Variants in FAM185A observed in about 807,000 individuals in gnomAD.
FAM185A encodes family with sequence similarity 185 member A.
In FAM185A, 21 loss-of-function variants were observed where a neutral mutation model predicts 45.7. That is an observed-to-expected ratio of 0.46 (90% CI 0.33 to 0.66). The LOEUF is 0.66. FAM185A is among the 30% of genes least tolerant of loss of function. The pLI, the probability that FAM185A is intolerant of heterozygous loss-of-function variation, is 0.03. For missense variants in FAM185A, 305 were observed against 485.4 expected (o/e 0.63, Z 3.49); for synonymous variants, 117 against 194.0 (o/e 0.60, Z 3.30).
chr7:102,822,510 G>A, the FAM185A span: 6 of 519,406 alleles, frequency 1.2e-5, no homozygotes, highest in South Asian at 4.6e-5. Flanking sequence ...CCCATCATGG[G>A]AGCTCTACCC....
downstream of FAM185A, among the ~76,000 whole-genome samples, chr7:102,811,209 A>C (rs1240718966): frequency 6.6e-6 from 1 of 151,954 alleles, no homozygotes; most frequent in East Asian, 1.9e-4. Context: ...AACAGCAGTC[A>C]ACTATATTTA....
rs1473727363 is a variant in FAM185A at position 102,755,128 on chromosome 7, C to T, written c.562-2726C>T. Reference sequence around the variant, plus strand: ...TTCTTGACTTAAAACAACAAGTGTGCGCCTCCCGTCGCCCAAGATGCCGAA... The same window carrying T: ...TTCTTGACTTAAAACAACAAGTGTGTGCCTCCCGTCGCCCAAGATGCCGAA... On this transcript the variant is annotated intron_variant, in intron 2 of 7. Transcript: ENST00000413034. 180 of 377,950 alleles carry T rather than the reference C, an allele frequency of 4.8e-4. 1 individual carries two copies. Among genetic ancestry groups the T allele is most frequent in the African/African-American group, 1.3e-4 (6 of 47,216 alleles). 23.4% of individuals were successfully genotyped at this position (377,950 alleles called of 1,614,324 possible).
chr7:102,843,692 C>G, the FAM185A span, among the ~76,000 whole-genome samples: 1 of 152,180 alleles, frequency 6.6e-6, no homozygotes, highest in Non-Finnish European at 1.5e-5. Flanking sequence ...AGGAGAATCG[C>G]TTGAACCCAG....
the FAM185A span, among the ~76,000 whole-genome samples, chr7:102,835,610 T>TG: frequency 3.3e-5 from 3 of 90,764 alleles, no homozygotes; most frequent in East Asian, 4.3e-4. Flanking sequence ...ATTGTTTTTT[T>TG]TTTTTTTTTT....
chr7:102,844,777 A>G, the FAM185A span, among the ~76,000 whole-genome samples: 1 of 152,196 alleles, frequency 6.6e-6, no homozygotes, highest in Non-Finnish European at 1.5e-5. Context: ...TAGATTTCAG[A>G]TGCCAATCGC....
At chr7:102,804,807 A>C (rs1797011949) in intron 7 of FAM185A, among the ~76,000 whole-genome samples, 1 of 152,240 alleles carries the variant, frequency 6.6e-6, no homozygotes, top group African/African-American at 2.4e-5. Flanking sequence ...TAATATCCAG[A>C]ATCTACAATG....
chr7:102,780,730 T>C (rs1357942312), intron 6 of FAM185A, among the ~76,000 whole-genome samples: 2 of 152,016 alleles, frequency 1.3e-5, no homozygotes, highest in South Asian at 4.1e-4. Context: ...GCTGCCAGCG[T>C]GAGCGACGCA....
chr7:102,789,644 G>T (rs1796032100), intron 7 of FAM185A, among the ~76,000 whole-genome samples: 1 of 152,300 alleles, frequency 6.6e-6, no homozygotes, highest in Admixed American at 6.5e-5. Flanking sequence ...AGGAGGCAGA[G>T]GGTGCAATGA....
At chr7:102,779,226 C>T (rs1159290428) in intron 6 of FAM185A, among the ~76,000 whole-genome samples, 1 of 152,124 alleles carries the variant, frequency 6.6e-6, no homozygotes, top group African/African-American at 2.4e-5. Context: ...GGTTAAAGAA[C>T]ACAACAAGAG....
At chr7:102,841,343 A>G in the FAM185A span, among the ~76,000 whole-genome samples, 1 of 151,838 alleles carries the variant, frequency 6.6e-6, no homozygotes, top group Admixed American at 6.6e-5. Context: ...GCTCCTACGG[A>G]TTATCTTCCT....
At chr7:102,850,445 C>T in the FAM185A span, among the ~76,000 whole-genome samples, 4 of 152,148 alleles carry the variant, frequency 2.6e-5, no homozygotes, top group Non-Finnish European at 5.9e-5. Flanking sequence ...TCAAATATAA[C>T]TGATCACCAT....
intron 5 of FAM185A, among the ~76,000 whole-genome samples, chr7:102,773,703 C>T (rs1278119050): frequency 6.6e-6 from 1 of 152,126 alleles, no homozygotes; most frequent in African/African-American, 2.4e-5. Context: ...GCTCCACATC[C>T]TCATCAACAT....
At chr7:102,800,131 G>A (rs1397199960) in intron 7 of FAM185A, among the ~76,000 whole-genome samples, 2 of 152,116 alleles carry the variant, frequency 1.3e-5, no homozygotes, top group African/African-American at 4.8e-5. Flanking sequence ...TTGCTGGGTG[G>A]CTAGATCAGA....
intron 2 of FAM185A, among the ~76,000 whole-genome samples, chr7:102,754,242 C>T (rs971775578): frequency 6.6e-6 from 1 of 151,970 alleles, no homozygotes; most frequent in African/African-American, 2.4e-5. Flanking sequence ...ACTCTGTTGC[C>T]CAGGCTGGAG....
chr7:102,800,189 T>C (rs1021321773), intron 7 of FAM185A, among the ~76,000 whole-genome samples: 1 of 151,944 alleles, frequency 6.6e-6, no homozygotes, highest in Non-Finnish European at 1.5e-5. Context: ...GCCACATCCA[T>C]AGAAAAAGGG....
chr7:102,766,941 C>T (rs1425637745), intron 4 of FAM185A, among the ~76,000 whole-genome samples: 1 of 151,654 alleles, frequency 6.6e-6, no homozygotes, highest in Non-Finnish European at 1.5e-5. Flanking sequence ...GATTAAGGCG[C>T]CTGCTACCAC....
chr7:102,846,729 A>T, the FAM185A span, among the ~76,000 whole-genome samples: 1 of 39,650 alleles, frequency 2.5e-5, no homozygotes, highest in African/African-American at 9.1e-5. Flanking sequence ...TGCAAATAAT[A>T]CCCCAGTGTT....
At chr7:102,831,998 T>C in the FAM185A span, among the ~76,000 whole-genome samples, 4 of 152,196 alleles carry the variant, frequency 2.6e-5, no homozygotes, top group African/African-American at 9.7e-5. Context: ...AAAGTATGAT[T>C]CTATTATTTT....
chr7:102,771,489 A>G (rs1794739744), intron 4 of FAM185A, among the ~76,000 whole-genome samples: 1 of 152,136 alleles, frequency 6.6e-6, no homozygotes, highest in South Asian at 2.1e-4. Context: ...GATTTTTGCA[A>G]TTAGGCGCAT....
Sources: allele counts gnomAD v4.1 joint callset (sites outside exome capture counted in the v4.1 genomes callset), GRCh38; gene constraint gnomAD v4.1.1; transcripts MANE v1.5; gene names NCBI Gene and HGNC (gene_info 2026-07-23, HGNC 2026-07-21).